Variants in SRGAP2 observed in about 807,000 individuals in gnomAD.
SRGAP2 encodes SLIT-ROBO Rho GTPase-activating protein 2.
Under a neutral mutation model 57.2 loss-of-function variants are expected in SRGAP2, and 15 were observed. The ratio of observed to expected loss-of-function variants is 0.26; its 90% CI spans 0.18 to 0.40. The LOEUF (loss-of-function observed/expected upper bound fraction) is 0.40. Among genes scored for constraint, SRGAP2 ranks in the 10% least tolerant of loss-of-function variants. The probability of loss-of-function intolerance (pLI) is 1.00; values close to 1 mark genes in which losing one functional copy is unlikely to be tolerated. For synonymous variants in SRGAP2, 249 were observed against 248.0 expected (o/e 1.00, Z -0.04); for missense variants, 520 against 669.6 (o/e 0.78, Z 2.47).
At chr1:206,214,204 G>GA (rs2102455402) in intron 2 of SRGAP2, among the ~76,000 whole-genome samples, 1 of 151,928 alleles carries the variant, frequency 6.6e-6, no homozygotes, top group Non-Finnish European at 1.5e-5. Flanking sequence ...GCTTTAAGAG[G>GA]ACTGGAAGCC....
chr1:206,299,731 C>T (rs1424047791), intron 2 of SRGAP2, among the ~76,000 whole-genome samples: 1 of 151,754 alleles, frequency 6.6e-6, no homozygotes, highest in African/African-American at 2.4e-5. Context: ...TTAGAATTTC[C>T]CTTAATGCCT....
chr1:206,229,953 C>CAA (rs1667525858), intron 2 of SRGAP2, among the ~76,000 whole-genome samples: 1 of 151,714 alleles, frequency 6.6e-6, no homozygotes, highest in Non-Finnish European at 1.5e-5. Context: ...CACACACACA[C>CAA]ACACACACAC....
intron 10 of SRGAP2, among the ~76,000 whole-genome samples, chr1:206,411,948 G>T (rs939027831): frequency 6.6e-6 from 1 of 152,124 alleles, no homozygotes; most frequent in Non-Finnish European, 1.5e-5. Context: ...TCTATGCCAG[G>T]CCCTGTGCTA....
At chr1:206,427,559 A>T (rs80291451) in intron 13 of SRGAP2, among the ~76,000 whole-genome samples, 1,719 of 152,256 alleles carry the variant, frequency 0.011, 20 homozygotes, top group South Asian at 0.018. Flanking sequence ...CTTTTCTCTC[A>T]GCCTGACTTT....
At chr1:206,257,902 G>T (rs1669297608) in intron 2 of SRGAP2, among the ~76,000 whole-genome samples, 2 of 149,514 alleles carry the variant, frequency 1.3e-5, no homozygotes, top group African/African-American at 4.9e-5. Context: ...TCTCTGAGGA[G>T]GTGATATTTG....
chr1:206,372,975 TTCTTTCTTTC>T (rs1654779537), intron 4 of SRGAP2, among the ~76,000 whole-genome samples: 1 of 55,826 alleles, frequency 1.8e-5, no homozygotes, highest in African/African-American at 8.3e-5. Flanking sequence ...CTTTCTTTCT[TTCTTTCTTTC>T]TTTCTTTCTT....
chr1:206,404,301 GA>G (rs1163333598), intron 8 of SRGAP2, among the ~76,000 whole-genome samples: 1 of 150,310 alleles, frequency 6.7e-6, no homozygotes, highest in African/African-American at 2.4e-5. Context: ...TCCATTTGAA[GA>G]AAGGTTTTTT....
At chr1:206,458,236 C>T (rs1354350525) in intron 21 of SRGAP2, 12 of 415,558 alleles carry the variant, frequency 2.9e-5, no homozygotes, top group Non-Finnish European at 5.2e-5. Flanking sequence ...CAATCTTGAC[C>T]TCTTTGGTGA....
intron 8 of SRGAP2, among the ~76,000 whole-genome samples, chr1:206,402,331 A>T (rs1373831852): frequency 6.6e-6 from 1 of 151,998 alleles, no homozygotes; most frequent in African/African-American, 2.4e-5. Context: ...TTGGACTCTT[A>T]GCCTCCAGTG....
At chr1:206,425,788 G>A (rs568924736) in intron 13 of SRGAP2, among the ~76,000 whole-genome samples, 136 of 151,122 alleles carry the variant, frequency 9.0e-4, no homozygotes, top group African/African-American at 2.8e-3. Context: ...GCCTGCCTCA[G>A]CCTCCCAAAG....
chr1:206,455,077 C>T (rs782364092), intron 21 of SRGAP2, 53 bp downstream of exon 21: 1 of 779,198 alleles, frequency 1.3e-6, no homozygotes, highest in Non-Finnish European at 2.4e-6. Context: ...AACACCCAGC[C>T]TCACCCTCTG....
intron 5 of SRGAP2, among the ~76,000 whole-genome samples, chr1:206,385,536 G>T (rs1212149731): frequency 6.7e-6 from 1 of 150,194 alleles, no homozygotes; most frequent in Non-Finnish European, 1.5e-5. Context: ...GGGAGGAGTA[G>T]TTTGGATAAC....
At chr1:206,322,795 G>T (rs1294635595) in intron 3 of SRGAP2, among the ~76,000 whole-genome samples, 1 of 142,334 alleles carries the variant, frequency 7.0e-6, no homozygotes, top group African/African-American at 2.9e-5. Context: ...ATAAAGAAAA[G>T]AAGCTTATTT....
chr1:206,463,493 C>G lies in SRGAP2; in HGVS notation c.*2073C>G, dbSNP rs551970065. 6.5e-6 allele frequency: 1 copy of G among 152,800 alleles called. No individual in the cohort carries two copies. Among genetic ancestry groups the G allele is most frequent in the African/African-American group, 2.4e-5 (1 of 41,568 alleles). 9.5% of individuals were successfully genotyped at this position (152,800 alleles called of 1,614,324 possible). ...AAACTGGTACCCACACTTGCCCTTTCTCCCTCTCTCCAGCACACTCCCCTC... is the reference window on the plus strand; with the variant it reads ...AAACTGGTACCCACACTTGCCCTTTGTCCCTCTCTCCAGCACACTCCCCTC... On this transcript the variant is annotated 3_prime_UTR_variant, in exon 23 of 23. Coordinates refer to ENST00000573034, the MANE Select transcript of SRGAP2 (RefSeq NM_015326.5).
intron 2 of SRGAP2, chr1:206,213,394 C>G (rs1459283403): frequency 1.1e-6 from 1 of 877,972 alleles, no homozygotes; most frequent in Non-Finnish European, 1.4e-6. Context: ...TAAATGAAAG[C>G]CTGGTATTAA....
chr1:206,397,809 G>A (rs1235715524), intron 7 of SRGAP2, among the ~76,000 whole-genome samples: 1 of 127,800 alleles, frequency 7.8e-6, no homozygotes, highest in Non-Finnish European at 1.6e-5. Flanking sequence ...TGTAAGTGCC[G>A]TGTACATGTA....
At chr1:206,217,281 T>A (rs1266374501) in intron 2 of SRGAP2, among the ~76,000 whole-genome samples, 4 of 151,862 alleles carry the variant, frequency 2.6e-5, no homozygotes, top group Admixed American at 2.6e-4. Flanking sequence ...TGGGAAGACA[T>A]CTTGACTGAG....
intron 17 of SRGAP2, among the ~76,000 whole-genome samples, chr1:206,444,916 A>G (rs1273873841): frequency 1.3e-5 from 2 of 152,148 alleles, no homozygotes; most frequent in African/African-American, 4.8e-5. Context: ...CAAGTCCTGC[A>G]GTGATTCGCA....
At chr1:206,430,770 C>T (rs1661218134) in intron 14 of SRGAP2, among the ~76,000 whole-genome samples, 1 of 152,226 alleles carries the variant, frequency 6.6e-6, no homozygotes, top group Non-Finnish European at 1.5e-5. Context: ...CAGGCTGCTT[C>T]TCAGCCTAGG....
Sources: allele counts gnomAD v4.1 joint callset (sites outside exome capture counted in the v4.1 genomes callset), GRCh38; gene constraint gnomAD v4.1.1; transcripts MANE v1.5; gene names NCBI Gene and HGNC (gene_info 2026-07-23, HGNC 2026-07-21).